The following STATH variants were observed in gnomAD, a reference collection of about 807,000 sequenced individuals.
The protein encoded by STATH is statherin.
Under a neutral mutation model 13.3 loss-of-function variants are expected in STATH, and 11 were observed. The ratio of observed to expected loss-of-function variants is 0.83; its 90% confidence interval spans 0.52 to 1.37. The LOEUF is 1.37. Ranked by LOEUF, STATH falls within the 40% of genes most tolerant of loss-of-function variation. STATH has a pLI of 0.00. For missense variants in STATH, 78 were observed against 73.3 expected, an observed-to-expected ratio of 1.06 and a Z score of -0.24; for synonymous variants, 25 against 23.6, an observed-to-expected ratio of 1.06 and a Z score of -0.17.
At chr4:70,000,140 A>T in intron 4 of STATH, 1 of 239,018 alleles carries the variant, frequency 4.2e-6, no homozygotes, top group Admixed American at 5.0e-5. Context: ...ATAAAGGCTG[A>T]TAATTACACA....
At chr4:70,000,074 C>A in intron 4 of STATH, 1 of 427,666 alleles carries the variant, frequency 2.3e-6, no homozygotes. Flanking sequence ...ATCACTTTGA[C>A]CTAAAAAATA....
intron 5 of STATH, among the ~76,000 whole-genome samples, chr4:70,001,200 G>A (rs567704535): frequency 6.6e-6 from 1 of 151,726 alleles, no homozygotes; most frequent in Non-Finnish European, 1.5e-5. Context: ...GGGGACACCA[G>A]GGTTTGTATG....
chr4:69,999,791 T>C lies in STATH; in HGVS notation c.84T>C (p.Arg28=). The change falls in exon 4 of 6, where the codon CGT becomes CGC. Residue 28 remains arginine (R), a synonymous_variant. Transcript: ENST00000246895. ...GADSSEEKFL[R]RIGRFGYGYG... is the part of the protein sequence containing the mutation. ...TTCATTTTTCACAGAAATTTTTGCG[T>C]AGAATTGGAAGATTCGGTGTAAGTG... 2 of 1,612,238 alleles carry C rather than the reference T, an allele frequency of 1.2e-6. No individual in the cohort carries two copies. Among genetic ancestry groups the C allele is most frequent in the Non-Finnish European group, 1.7e-6 (2 of 1,178,938 alleles).
chr4:69,997,883 A>G (rs965981891), intron 1 of STATH, among the ~76,000 whole-genome samples: 1 of 152,152 alleles, frequency 6.6e-6, no homozygotes, highest in Non-Finnish European at 1.5e-5. Context: ...ATTGCTGGTC[A>G]TTCTAACATC....
rs553179429 is a variant in STATH, at chr4:70,001,592, A to G, written c.*34-597A>G. ...GCTAACAAGAAAATATGGAAATGTTATCAATTTCTTTTTAGAAAGTCAGTT... is the reference window on the plus strand; with the variant it reads ...GCTAACAAGAAAATATGGAAATGTTGTCAATTTCTTTTTAGAAAGTCAGTT... On this transcript the variant is annotated intron_variant, in intron 5 of 5. Transcript: ENST00000246895. 3.6e-4 allele frequency among the ~76,000 whole-genome samples: 54 copies of G among 152,018 alleles called. 1 individual carries two copies. The highest frequency in any genetic ancestry group is 6.2e-4 in the Non-Finnish European group (42 of 67,844).
chr4:69,999,522 A>G (rs1724593496), intron 2 of STATH, 145 bp from the exon 3 acceptor site: 1 of 706,822 alleles, frequency 1.4e-6, no homozygotes, highest in South Asian at 2.0e-5. Flanking sequence ...AGATGTCATG[A>G]AGCAAAAATA....
At chr4:69,996,680 C>A (rs954839016) in intron 1 of STATH, among the ~76,000 whole-genome samples, 7 of 151,842 alleles carry the variant, frequency 4.6e-5, no homozygotes, top group African/African-American at 1.7e-4. Context: ...AAAACCATGA[C>A]ATATATATTT....
intron 1 of STATH, 38 bp downstream of exon 1, chr4:69,996,063 T>G (rs1724495711): frequency 6.6e-6 from 1 of 152,194 alleles, no homozygotes; most frequent in Admixed American, 6.5e-5. Flanking sequence ...GTTGTCTTAA[T>G]CTAGAGTGTT....
chr4:70,000,755 G>T, intron 4 of STATH, 108 bp from the exon 5 acceptor site: 1 of 774,456 alleles, frequency 1.3e-6, no homozygotes, highest in Non-Finnish European at 2.2e-6. Flanking sequence ...AATCTTATAA[G>T]TAATATGTAA....
In STATH at chr4:70,000,935, C is replaced by CA; in HGVS notation, c.177dup (p.Tyr60IlefsTer15). ...ACAACCATACCAACCACAATACCAA[C>CA]AATATACCTTTTAATATCATCAGTA... is the stretch of plus-strand genomic sequence containing the variant. On this transcript the variant is annotated frameshift_variant, in exon 5 of 6. Transcript: ENST00000246895. LOFTEE classifies it high-confidence loss of function. 12 of 1,611,628 alleles carry CA rather than the reference C, an allele frequency of 7.4e-6. No homozygotes were observed. Among genetic ancestry groups the CA allele is most frequent in the Non-Finnish European group, 1.0e-5 (12 of 1,178,160 alleles).
In STATH at chr4:69,998,494, T is replaced by C. The variant is rs1410828237; in HGVS notation, c.51+6T>C. 1 of 1,610,640 alleles carries C rather than the reference T, an allele frequency of 6.2e-7. No individual in the cohort carries two copies. Among genetic ancestry groups the C allele is most frequent in the Non-Finnish European group, 8.5e-7 (1 of 1,177,634 alleles). On this transcript the variant is annotated splice_donor_region_variant and intron_variant, in intron 2 of 5. Transcript: ENST00000246895. Reference sequence around the variant, plus strand: ...CTCTCATGGTTTCCATGATTGTAAGTATATCAGGACATTTGAAGAATATGT... The same window carrying C: ...CTCTCATGGTTTCCATGATTGTAAGCATATCAGGACATTTGAAGAATATGT...
chr4:69,997,123 T>C (rs1724528911), intron 1 of STATH, among the ~76,000 whole-genome samples: 1 of 151,758 alleles, frequency 6.6e-6, no homozygotes. Context: ...TATTATTATT[T>C]TTAGTAGAGA....
At chr4:69,998,168 CT>C (rs1257521622) in intron 1 of STATH, among the ~76,000 whole-genome samples, 3 of 152,116 alleles carry the variant, frequency 2.0e-5, no homozygotes, top group Admixed American at 6.6e-5. Flanking sequence ...CTTCATACCC[CT>C]ATTCTCTTGG....
intron 5 of STATH, 119 bp downstream of exon 5, chr4:70,001,101 T>C (rs2109683749): frequency 6.2e-6 from 4 of 649,536 alleles, no homozygotes; most frequent in Admixed American, 2.6e-5. Flanking sequence ...AGCAGCCAGC[T>C]GTATAGCTCC....
intron 4 of STATH, among the ~76,000 whole-genome samples, chr4:70,000,562 T>C (rs1034073657): frequency 6.6e-6 from 1 of 151,712 alleles, no homozygotes. Flanking sequence ...TGCTGGGAGG[T>C]AGTATTTTGA....
intron 5 of STATH, among the ~76,000 whole-genome samples, chr4:70,001,600 C>A (rs2109684274): frequency 6.6e-6 from 1 of 151,534 alleles, no homozygotes; most frequent in East Asian, 1.9e-4. Context: ...TTATCAATTT[C>A]TTTTTAGAAA....
chr4:70,001,151 C>A (rs941410698), intron 5 of STATH, among the ~76,000 whole-genome samples, 169 bp downstream of exon 5: 1 of 143,848 alleles, frequency 7.0e-6, no homozygotes, highest in African/African-American at 2.6e-5. Context: ...CTGAGATAGT[C>A]TCTGTCCTGC....
chr4:70,000,972 T>A lies in STATH; in HGVS notation c.*23T>A. 6.3e-7 allele frequency: 1 copy of A among 1,594,994 alleles called. No homozygotes were observed. Among genetic ancestry groups the A allele is most frequent in the African/African-American group, 1.3e-5 (1 of 74,532 alleles). On this transcript the variant is annotated 3_prime_UTR_variant, in exon 5 of 6. Coordinates refer to ENST00000246895, the MANE Select transcript of STATH (RefSeq NM_003154.3). The stretch of plus-strand genomic sequence containing the variant: ...TAATATCATCAGTAACTGCAGGACA[T>A]GATTATTGAGGTAAGATGGGTTTAG...
Position 69,999,765 on chromosome 4 carries a change from C to T in STATH, c.73-15C>T. On this transcript the variant is annotated splice_polypyrimidine_tract_variant and intron_variant, in intron 3 of 5. Transcript: ENST00000246895. ...ATTTGTATTGAATTATTAAACTTTT[C>T]TTCATTTTTCACAGAAATTTTTGCG... 1 of 1,611,872 alleles carries T rather than the reference C, an allele frequency of 6.2e-7. No individual in the cohort carries two copies. Among genetic ancestry groups the T allele is most frequent in the Non-Finnish European group, 8.5e-7 (1 of 1,178,862 alleles).
Sources: allele counts gnomAD v4.1 joint callset (sites outside exome capture counted in the v4.1 genomes callset), GRCh38; gene constraint gnomAD v4.1.1; transcripts MANE v1.5; gene names NCBI Gene and HGNC (gene_info 2026-07-23, HGNC 2026-07-21).